The following ADAMTS6 variants were observed in gnomAD, a reference collection of about 807,000 sequenced individuals.
ADAMTS6 encodes ADAM metallopeptidase with thrombospondin type 1 motif 6.
Under a neutral mutation model 144.3 loss-of-function variants are expected in ADAMTS6, and 23 were observed. The ratio of observed to expected loss-of-function variants is 0.16; its 90% CI spans 0.11 to 0.23. The LOEUF (loss-of-function observed/expected upper bound fraction) is 0.23. ADAMTS6 is among the 10% of genes least tolerant of loss of function. The pLI is 1.00. For missense variants in ADAMTS6, 999 were observed against 1,379.6 expected, an observed-to-expected ratio of 0.72 and a Z score of 4.37; for synonymous variants, 444 against 457.5, an observed-to-expected ratio of 0.97 and a Z score of 0.38.
chr5:65,415,976 G>A, intron 7 of ADAMTS6: 1 of 184,048 alleles, frequency 5.4e-6, no homozygotes, highest in Non-Finnish European at 1.1e-5. Context: ...TGCCCAAGAA[G>A]CTGCTGATGA....
chr5:65,307,021 T>C (rs1158810185), intron 9 of ADAMTS6, among the ~76,000 whole-genome samples: 1 of 152,218 alleles, frequency 6.6e-6, no homozygotes, highest in Non-Finnish European at 1.5e-5. Flanking sequence ...TTCATTTTAA[T>C]GTGGTTGAAC....
intron 7 of ADAMTS6, among the ~76,000 whole-genome samples, chr5:65,350,934 C>T (rs193140629): frequency 3.9e-5 from 6 of 152,288 alleles, no homozygotes; most frequent in Admixed American, 3.9e-4. Context: ...AAGTGTGAGC[C>T]ACTGAACCCG....
chr5:65,330,366 G>C (rs952857401), intron 8 of ADAMTS6, among the ~76,000 whole-genome samples: 6 of 151,996 alleles, frequency 3.9e-5, no homozygotes, highest in Non-Finnish European at 8.8e-5. Flanking sequence ...CTCTTATAAG[G>C]AAACAGATGC....
intron 9 of ADAMTS6, among the ~76,000 whole-genome samples, chr5:65,315,272 T>C: frequency 6.6e-6 from 1 of 151,994 alleles, no homozygotes; most frequent in East Asian, 1.9e-4. Flanking sequence ...GAAATTTATA[T>C]ATATGTACAC....
chr5:65,233,929 A>G (rs988891010), intron 15 of ADAMTS6, among the ~76,000 whole-genome samples: 1 of 152,034 alleles, frequency 6.6e-6, no homozygotes, highest in Non-Finnish European at 1.5e-5. Flanking sequence ...ATTAAAACAG[A>G]TAAGTAGAGC....
chr5:65,170,912 GC>G, intron 23 of ADAMTS6, 139 bp from the exon 24 acceptor site: 1 of 864,646 alleles, frequency 1.2e-6, no homozygotes, highest in Non-Finnish European at 1.6e-6. Flanking sequence ...TGCTATGTTG[GC>G]CAGGCTGGTC....
intron 7 of ADAMTS6, among the ~76,000 whole-genome samples, chr5:65,349,277 G>T (rs1011782603): frequency 6.6e-6 from 1 of 151,896 alleles, no homozygotes; most frequent in Non-Finnish European, 1.5e-5. Context: ...CAAAGTTAAA[G>T]AATTTTTATT....
intron 7 of ADAMTS6, among the ~76,000 whole-genome samples, chr5:65,439,573 G>C (rs924851684): frequency 2.6e-5 from 4 of 152,040 alleles, no homozygotes; most frequent in African/African-American, 9.7e-5. Flanking sequence ...TCAAGCGAAA[G>C]AAAGGCTGAG....
intron 11 of ADAMTS6, among the ~76,000 whole-genome samples, chr5:65,278,821 A>G (rs893004618): frequency 5.9e-5 from 9 of 152,194 alleles, no homozygotes; most frequent in Non-Finnish European, 1.3e-4. Context: ...TAAATTGAAT[A>G]TACTAGGCTG....
chr5:65,404,697 C>T (rs1481339906), intron 7 of ADAMTS6, among the ~76,000 whole-genome samples: 5 of 152,026 alleles, frequency 3.3e-5, no homozygotes, highest in Admixed American at 2.0e-4. Context: ...TATTTCTAGT[C>T]CTAGATCCTT....
At position 65,149,639 on chromosome 5, in the gene ADAMTS6, A is replaced by C. The variant is rs1240768983; in HGVS notation, c.*2197T>G. On this transcript the variant is annotated 3_prime_UTR_variant, in exon 25 of 25. Transcript: ENST00000381055. Reference sequence around the variant, plus strand: ...TAGTCGGTAATAAGAAATCTTTTTGAAATAAGAACATGAGCTGATATTTAT... The same window carrying C: ...TAGTCGGTAATAAGAAATCTTTTTGCAATAAGAACATGAGCTGATATTTAT... 2 of 152,656 alleles carry C rather than the reference A, an allele frequency of 1.3e-5. No individual in the cohort carries two copies. Among genetic ancestry groups the C allele is most frequent in the East Asian group, 1.9e-4 (1 of 5,198 alleles). 9.5% of individuals were successfully genotyped at this position (152,656 alleles called of 1,614,324 possible). A position where few individuals can be genotyped will look rare whatever the true frequency, so the allele number is the denominator to read the frequency against.
chr5:65,295,852 A>T (rs75970368), intron 10 of ADAMTS6, among the ~76,000 whole-genome samples: 4,826 of 152,194 alleles, frequency 0.032, 259 homozygotes, highest in African/African-American at 0.11. Context: ...ATGATGAGAA[A>T]GTCATATTTT....
intron 3 of ADAMTS6, among the ~76,000 whole-genome samples, chr5:65,466,028 C>A (rs1471575851): frequency 6.6e-6 from 1 of 152,308 alleles, no homozygotes; most frequent in Middle Eastern, 3.4e-3. Flanking sequence ...TCCTATACAA[C>A]ATCTCACGTT....
chr5:65,396,690 G>A (rs1053162931), intron 7 of ADAMTS6, among the ~76,000 whole-genome samples: 1 of 152,180 alleles, frequency 6.6e-6, no homozygotes, highest in African/African-American at 2.4e-5. Flanking sequence ...TTCATGGCTA[G>A]GACATGGTCA....
chr5:65,398,808 GAAAGAAAGAAAGAAAGAAAGAA>G (rs1753627018), intron 7 of ADAMTS6, among the ~76,000 whole-genome samples: 2 of 88,304 alleles, frequency 2.3e-5, no homozygotes, highest in African/African-American at 8.9e-5. Context: ...AAGAAAGAAA[GAAAGAAAGAAAGAAAGAAAGAA>G]AGAAAGAAAG....
rs1007586452 is a variant in ADAMTS6, at chr5:65,416,572, A to C, written c.1073+34903T>G. Among the ~76,000 whole-genome samples, 2 of 151,962 alleles carry C rather than the reference A, an allele frequency of 1.3e-5. 1 individual carries two copies. Among genetic ancestry groups the C allele is most frequent in the Middle Eastern group, 6.3e-3 (2 of 316 alleles). ...GTCAAGGGATGAAGGAATAACTAAC[A>C]TGTGGTATATCCCCAAAAATTAGCC... On this transcript the variant is annotated intron_variant, in intron 7 of 24. Coordinates refer to ENST00000381055, the MANE Select transcript of ADAMTS6 (RefSeq NM_197941.4).
In ADAMTS6 at chr5:65,215,734, G is replaced by A. The variant is rs191781150; in HGVS notation, c.2273-247C>T. 3.7e-3 allele frequency among the ~76,000 whole-genome samples: 559 copies of A among 152,284 alleles called. 3 individuals are homozygous for A. The highest frequency in any genetic ancestry group is 6.6e-3 in the Non-Finnish European group (448 of 68,024). ...GTTAACCTGGAGGAATAAACATGTG[G>A]AAGTAACAAGGAAAATTATGAGAAA... On this transcript the variant is annotated intron_variant, in intron 18 of 24. Coordinates refer to ENST00000381055, the MANE Select transcript of ADAMTS6 (RefSeq NM_197941.4).
chr5:65,213,306 G>A (rs1756665781), intron 20 of ADAMTS6, among the ~76,000 whole-genome samples: 1 of 151,862 alleles, frequency 6.6e-6, no homozygotes, highest in African/African-American at 2.4e-5. Flanking sequence ...ATTGAAATTG[G>A]AGTTGTAGTT....
intron 24 of ADAMTS6, among the ~76,000 whole-genome samples, chr5:65,157,725 C>T (rs556493913): frequency 3.0e-4 from 45 of 152,190 alleles, no homozygotes; most frequent in Non-Finnish European, 5.1e-4. Flanking sequence ...AAAGGTTGTG[C>T]ATGCGTGGCA....
Sources: gnomAD v4.1 joint callset for allele counts (sites outside exome capture counted in the v4.1 genomes callset) on GRCh38, gnomAD v4.1.1 for gene constraint, MANE v1.5 for transcripts, NCBI Gene and HGNC (gene_info 2026-07-23, HGNC 2026-07-21) for gene names.